The following DOCK3 variants were observed in gnomAD, a reference collection of about 807,000 sequenced individuals.
DOCK3 encodes dedicator of cytokinesis 3, also known as dedicator of cytokinesis protein 3.
DOCK3 carries 60 observed loss-of-function variants against 265.6 expected under a neutral mutation model. That is an observed-to-expected ratio of 0.23 (90% confidence interval 0.18 to 0.28). DOCK3 has a LOEUF of 0.28. Among genes scored for constraint, DOCK3 ranks in the 10% least tolerant of loss-of-function variants. The probability of loss-of-function intolerance (pLI) is 1.00; values close to 1 mark genes in which losing one functional copy is unlikely to be tolerated. For synonymous variants in DOCK3, 881 were observed against 938.0 expected (o/e 0.94, Z 1.11); for missense variants, 1,981 against 2,594.3 (o/e 0.76, Z 5.14).
intron 12 of DOCK3, among the ~76,000 whole-genome samples, chr3:51,186,698 GC>G (rs1441163665): frequency 6.6e-6 from 1 of 152,180 alleles, no homozygotes; most frequent in Non-Finnish European, 1.5e-5. Flanking sequence ...TAGCCTTGGT[GC>G]CCTGCATCTC....
intron 1 of DOCK3, among the ~76,000 whole-genome samples, chr3:50,742,188 C>G (rs529255832): frequency 6.6e-6 from 1 of 151,998 alleles, no homozygotes; most frequent in South Asian, 2.1e-4. Flanking sequence ...CACCAAAAAC[C>G]GATCTGTACA....
intron 12 of DOCK3, among the ~76,000 whole-genome samples, chr3:51,178,053 G>T (rs369014379): frequency 7.5e-6 from 1 of 134,172 alleles, no homozygotes; most frequent in African/African-American, 2.8e-5. Flanking sequence ...TCTCAAAATA[G>T]TCAACAAACA....
chr3:51,150,838 A>T (rs1337772171), intron 10 of DOCK3, among the ~76,000 whole-genome samples: 1 of 152,196 alleles, frequency 6.6e-6, no homozygotes, highest in Non-Finnish European at 1.5e-5. Context: ...AGAGTTCTGT[A>T]GATGTCTATT....
intron 2 of DOCK3, among the ~76,000 whole-genome samples, chr3:50,796,875 C>G (rs1219412835): frequency 6.6e-6 from 1 of 152,002 alleles, no homozygotes; most frequent in Non-Finnish European, 1.5e-5. Context: ...AATGCTCACT[C>G]ACAACTTCTG....
chr3:50,716,845 T>A (rs1463496), intron 1 of DOCK3, among the ~76,000 whole-genome samples: 137,774 of 152,142 alleles, frequency 0.91, 62,546 homozygotes, highest in African/African-American at 0.95. Flanking sequence ...GATAGGGTAT[T>A]CACCACTGTG....
At chr3:51,336,535 A>T (rs567116383) in intron 35 of DOCK3, among the ~76,000 whole-genome samples, 2 of 152,320 alleles carry the variant, frequency 1.3e-5, no homozygotes, top group Non-Finnish European at 2.9e-5. Context: ...GGTGAGCCGG[A>T]TGCTTCAGAA....
chr3:50,853,654 A>G (rs1356770030), intron 3 of DOCK3, among the ~76,000 whole-genome samples: 1 of 152,016 alleles, frequency 6.6e-6, no homozygotes, highest in Non-Finnish European at 1.5e-5. Context: ...ATTCTGTTTT[A>G]TGCCTGCTTA....
At chr3:51,013,939 G>A (rs2079050267) in intron 5 of DOCK3, among the ~76,000 whole-genome samples, 1 of 152,164 alleles carries the variant, frequency 6.6e-6, no homozygotes, top group South Asian at 2.1e-4. Flanking sequence ...TTAGCAGTGA[G>A]TAAGGCTTCG....
In DOCK3 at chr3:51,059,926, C is replaced by T. The variant is rs950042551; in HGVS notation, c.316-4522C>T. ...TTTTCTCCCTCTAATAGATTATTCT[C>T]TTCAAAATTTAGTTTGAAATTTTGT... On this transcript the variant is annotated intron_variant, in intron 5 of 52. Transcript: ENST00000266037. Among the ~76,000 whole-genome samples the T allele has an allele frequency of 7.9e-5, 12 of 152,250 alleles. No homozygotes were observed. In the South Asian group the frequency reaches 2.3e-3, roughly 29 times the overall value.
At chr3:51,068,433 G>A (rs1258629751) in intron 6 of DOCK3, among the ~76,000 whole-genome samples, 3 of 151,744 alleles carry the variant, frequency 2.0e-5, no homozygotes, top group African/African-American at 4.8e-5. Flanking sequence ...CCAGCTACTC[G>A]GGAGGGTGAG....
At chr3:51,309,347 C>T (rs557160556) in intron 27 of DOCK3, among the ~76,000 whole-genome samples, 33 of 152,294 alleles carry the variant, frequency 2.2e-4, no homozygotes, top group African/African-American at 6.7e-4. Context: ...CTCAGGAGGC[C>T]GAGGCTGGCG....
At chr3:51,136,144 A>C (rs2084783361) in intron 9 of DOCK3, among the ~76,000 whole-genome samples, 1 of 152,080 alleles carries the variant, frequency 6.6e-6, no homozygotes. Context: ...ACCAAGTGGC[A>C]AAAGCCTTGC....
chr3:51,233,739 A>G (rs1326226958), intron 19 of DOCK3, among the ~76,000 whole-genome samples: 1 of 152,056 alleles, frequency 6.6e-6, no homozygotes, highest in Non-Finnish European at 1.5e-5. Flanking sequence ...ATTCCTAGGT[A>G]TTTTTTGTGT....
At chr3:51,010,542 C>T (rs760052927) in intron 5 of DOCK3, among the ~76,000 whole-genome samples, 1 of 152,146 alleles carries the variant, frequency 6.6e-6, no homozygotes, top group African/African-American at 2.4e-5. Context: ...CTCCTGAATA[C>T]AGCACACTGT....
At chr3:50,743,850 C>G (rs2039243460) in intron 1 of DOCK3, among the ~76,000 whole-genome samples, 1 of 152,206 alleles carries the variant, frequency 6.6e-6, no homozygotes, top group African/African-American at 2.4e-5. Flanking sequence ...AACTGCCAAG[C>G]TGTTTATGGA....
At chr3:50,917,779 C>CT (rs1321644813) in intron 4 of DOCK3, among the ~76,000 whole-genome samples, 2 of 151,742 alleles carry the variant, frequency 1.3e-5, no homozygotes, top group East Asian at 3.9e-4. Flanking sequence ...TTTTATTATA[C>CT]TTTAAGTTCT....
chr3:51,360,565 C>G lies in DOCK3; in HGVS notation c.4939C>G (p.Arg1647Gly). 1 of 1,613,320 alleles carries G rather than the reference C, an allele frequency of 6.2e-7. No individual in the cohort carries two copies. Among genetic ancestry groups the G allele is most frequent in the Non-Finnish European group, 8.5e-7 (1 of 1,179,614 alleles). ...SPACSGTSTP[R>G]GNVLASHSPM... is the part of the protein sequence containing the mutation. ...TGCATGTTCAGGCACCAGCACCCCA[C>G]GGGGAAATGTTCTGGCATCCCATAG... Residue 1647 changes from arginine (R) to glycine (G), a missense_variant, in exon 47 of 53, where the codon CGG becomes GGG. Physicochemically the swap from Arg to Gly is moderately radical, Grantham distance 125. Coordinates refer to ENST00000266037, the MANE Select transcript of DOCK3 (RefSeq NM_004947.5).
intron 32 of DOCK3, among the ~76,000 whole-genome samples, chr3:51,326,963 T>A (rs1335340625): frequency 1.3e-5 from 2 of 152,166 alleles, no homozygotes; most frequent in Non-Finnish European, 2.9e-5. Flanking sequence ...AAATTTTTGT[T>A]GTTAATATTG....
At chr3:50,707,900 G>A (rs899328650) in intron 1 of DOCK3, among the ~76,000 whole-genome samples, 6 of 150,180 alleles carry the variant, frequency 4.0e-5, no homozygotes, top group African/African-American at 1.2e-4. Flanking sequence ...GGTGGGGTAT[G>A]TGTGTTGTGG....
Sources: allele counts gnomAD v4.1 joint callset (sites outside exome capture counted in the v4.1 genomes callset), GRCh38; gene constraint gnomAD v4.1.1; transcripts MANE v1.5; gene names NCBI Gene and HGNC (gene_info 2026-07-23, HGNC 2026-07-21).